MMRN1: variants seen among roughly 807,000 people sequenced by gnomAD.
MMRN1 encodes the protein multimerin 1, also known as multimerin-1.
Under a neutral mutation model 100.7 loss-of-function variants are expected in MMRN1, and 94 were observed. The observed-to-expected ratio is 0.93, with a 90% CI of 0.79 to 1.11. MMRN1 has a LOEUF of 1.11. MMRN1 is among the 50% of genes least tolerant of loss of function. The pLI is 0.00. For synonymous variants in MMRN1, 575 were observed against 505.0 expected (o/e 1.14, Z -1.86); for missense variants, 1,606 against 1,439.1 (o/e 1.12, Z -1.88).
In MMRN1 at chr4:89,929,935, G is replaced by A. The variant is rs151253827; in HGVS notation, c.1129+1967G>A. 5.3e-5 allele frequency among the ~76,000 whole-genome samples: 8 copies of A among 152,232 alleles called. No homozygotes were observed. In the East Asian group the frequency reaches 1.4e-3, roughly 26 times the overall value. ...GTTGAAAATCAAATGTCTCAACTCC[G>A]TAAGAGGAGGTGGATACCTTAAGAG... is the stretch of plus-strand genomic sequence containing the variant. On this transcript the variant is annotated intron_variant, in intron 5 of 7. Transcript: ENST00000264790.
chr4:89,930,778 T>G (rs1214922743), intron 5 of MMRN1, among the ~76,000 whole-genome samples: 2 of 152,038 alleles, frequency 1.3e-5, no homozygotes, highest in East Asian at 3.8e-4. Flanking sequence ...TCGAATTTTC[T>G]AAATTTTACT....
At chr4:89,944,855 A>T (rs1177811223) in intron 6 of MMRN1, among the ~76,000 whole-genome samples, 1 of 152,198 alleles carries the variant, frequency 6.6e-6, no homozygotes, top group African/African-American at 2.4e-5. Flanking sequence ...ACGCGAGTTT[A>T]TTTGTTTGTG....
At chr4:89,885,023 T>G (rs1720906594) in intron 1 of MMRN1, among the ~76,000 whole-genome samples, 1 of 152,186 alleles carries the variant, frequency 6.6e-6, no homozygotes, top group Admixed American at 6.5e-5. Flanking sequence ...AGATGCCTTC[T>G]ATTACTAGTA....
chr4:89,944,587 C>T lies in MMRN1; in HGVS notation c.3119-7018C>T, dbSNP rs574360365. ...GTAATTAGGGAAGCAGATTTCACAG[C>T]TATATGGATGAGGGTTGTTTAGAGG... is the stretch of plus-strand genomic sequence containing the variant. On this transcript the variant is annotated intron_variant, in intron 6 of 7. Transcript: ENST00000264790. Among the ~76,000 whole-genome samples the T allele has an allele frequency of 7.3e-4, 111 of 152,102 alleles. 1 individual carries two copies. The highest frequency in any genetic ancestry group is 2.5e-3 in the African/African-American group (103 of 41,492).
At chr4:89,929,742 A>C (rs567043251) in intron 5 of MMRN1, among the ~76,000 whole-genome samples, 7 of 152,260 alleles carry the variant, frequency 4.6e-5, no homozygotes, top group African/African-American at 1.4e-4. Flanking sequence ...ACAGTCATTA[A>C]TTATAAGAAC....
chr4:89,934,990 T>C lies in MMRN1; in HGVS notation c.1310T>C (p.Ile437Thr), dbSNP rs757906147. ...AAAGTTAATGAATCTGTGGTTTCAA[T>C]AGCAGCCCAGCAAAAGTTTGTTTTG... ...IQKVNESVVS[I>T]AAQQKFVLVQ... The change falls in exon 6 of 8, where the codon ATA (isoleucine) becomes ACA (threonine). Residue 437 changes from isoleucine to threonine, a missense_variant. Physicochemically the swap from Ile to Thr is moderately conservative, Grantham distance 89. Transcript: ENST00000264790. 39 of 1,613,080 alleles carry C rather than the reference T, an allele frequency of 2.4e-5. 1 individual carries two copies. Among genetic ancestry groups the C allele is most frequent in the Non-Finnish European group, 3.1e-5 (36 of 1,179,620 alleles).
At chr4:89,911,353 T>C (rs1439980791) in intron 2 of MMRN1, among the ~76,000 whole-genome samples, 1 of 151,324 alleles carries the variant, frequency 6.6e-6, no homozygotes, top group East Asian at 1.9e-4. Context: ...TTCCTCATAT[T>C]ACATCCCTTC....
In MMRN1 at chr4:89,935,420, T is replaced by G. The variant is rs760233152; in HGVS notation, c.1740T>G (p.Ser580=). 1.9e-6 allele frequency: 3 copies of G among 1,613,370 alleles called. No homozygotes were observed. ...GCAAGATTAACAATCTCACCGTCTC[T>G]TTGGAGATGGAGAAAGAGTCTCTCA... ...QESKINNLTV[S]LEMEKESLRG... is the part of the protein sequence containing the mutation. The change falls in exon 6 of 8, where the codon TCT becomes TCG. Residue 580 remains serine, a synonymous_variant. Transcript: ENST00000264790.
chr4:89,953,139 A>T lies in MMRN1; in HGVS notation c.3408A>T (p.Lys1136Asn). Residue 1136 changes from lysine (K) to asparagine (N), a missense_variant, in exon 8 of 8, where the codon AAA (lysine) becomes AAT (asparagine). Transcript: ENST00000264790. ...CTTCATATACCCCAAGAACTGGAAA[A>T]TTTAGAATTCCGTATCTTGGAGTAT... ...YGASYTPRTG[K>N]FRIPYLGVYV... The T allele has an allele frequency of 1.2e-6, 2 of 1,613,840 alleles. No individual in the cohort carries two copies. The highest frequency in any genetic ancestry group is 2.2e-5 in the South Asian group (2 of 91,072).
chr4:89,936,355 A>G lies in MMRN1; in HGVS notation c.2675A>G (p.Gln892Arg). 6.2e-7 allele frequency: 1 copy of G among 1,612,296 alleles called. No individual in the cohort carries two copies. The highest frequency in any genetic ancestry group is 1.1e-5 in the South Asian group (1 of 90,654). ...AGTGTAGTTACAAATGAGAGAGATC[A>G]GGCTCTTCAACTGCAAGTATTAAAT... is the stretch of plus-strand genomic sequence containing the variant. ...KGSVVTNERD[Q>R]ALQLQVLNSR... Residue 892 changes from glutamine to arginine, a missense_variant, in exon 6 of 8, where the codon CAG (glutamine) becomes CGG (arginine). Transcript: ENST00000264790.
intron 5 of MMRN1, 66 bp downstream of exon 5, chr4:89,928,034 T>C (rs1349654780): frequency 1.5e-6 from 2 of 1,304,400 alleles, no homozygotes; most frequent in East Asian, 2.6e-5. Context: ...ATTTTTCTTT[T>C]CTTACATCAC....
upstream of MMRN1, among the ~76,000 whole-genome samples, chr4:89,891,110 A>G (rs1442416152): frequency 6.6e-6 from 1 of 151,958 alleles, no homozygotes; most frequent in Non-Finnish European, 1.5e-5. Context: ...TTCAAAATAA[A>G]CCTTCTCATA....
At chr4:89,925,103 T>C (rs927825298) in intron 4 of MMRN1, among the ~76,000 whole-genome samples, 2 of 151,784 alleles carry the variant, frequency 1.3e-5, no homozygotes, top group African/African-American at 4.8e-5. Context: ...AAATAGTAGA[T>C]CTTATTCATT....
chr4:89,879,570 A>T (rs1720777341), exon 1 of MMRN1: 2 of 152,186 alleles, frequency 1.3e-5, no homozygotes, highest in African/African-American at 4.8e-5. Flanking sequence ...TGATGTTAGC[A>T]TTTGGTTATA....
rs2110632034 is a variant in MMRN1 at position 89,935,051 on chromosome 4, G to A, written c.1371G>A (p.Val457=). 1 of 1,613,538 alleles carries A rather than the reference G, an allele frequency of 6.2e-7. No homozygotes were observed. ...QENRPTLTDI[V]ELRNHIVNVR... ...ATCGGCCCACTTTGACTGATATAGT[G>A]GAACTAAGGAATCACATTGTGAATG... Residue 457 remains valine (V), a synonymous_variant, in exon 6 of 8, where the codon GTG becomes GTA. Coordinates refer to ENST00000264790, the MANE Select transcript of MMRN1 (RefSeq NM_007351.3).
chr4:89,925,249 G>A (rs1722211109), intron 4 of MMRN1, among the ~76,000 whole-genome samples: 1 of 148,990 alleles, frequency 6.7e-6, no homozygotes, highest in Non-Finnish European at 1.5e-5. Flanking sequence ...CAATCCTCCT[G>A]CCTCAGTGCC....
At chr4:89,916,372 AAAAAC>A (rs903566103) in intron 3 of MMRN1, among the ~76,000 whole-genome samples, 6 of 148,476 alleles carry the variant, frequency 4.0e-5, no homozygotes, top group Admixed American at 2.7e-4. Flanking sequence ...CTGAAAAAAA[AAAAAC>A]AAACAAACAA....
At chr4:89,923,046 C>A in intron 3 of MMRN1, 122 bp from the exon 4 acceptor site, 1 of 771,644 alleles carries the variant, frequency 1.3e-6, no homozygotes, top group Non-Finnish European at 2.2e-6. Flanking sequence ...CTGCAATCAT[C>A]CCCGACCATC....
intron 1 of MMRN1, 41 bp downstream of exon 1, chr4:89,895,635 C>A: frequency 6.4e-7 from 1 of 1,557,058 alleles, no homozygotes; most frequent in Non-Finnish European, 8.7e-7. Flanking sequence ...CTCTGTCTAT[C>A]AGGTCTAGAA....
Sources: allele counts gnomAD v4.1 joint callset (sites outside exome capture counted in the v4.1 genomes callset), GRCh38; gene constraint gnomAD v4.1.1; transcripts MANE v1.5; gene names NCBI Gene and HGNC (gene_info 2026-07-23, HGNC 2026-07-21).